PET117: variants seen among roughly 807,000 people sequenced by gnomAD.
PET117 encodes PET117 cytochrome c oxidase chaperone.
In PET117, 10 loss-of-function variants were observed where a neutral mutation model predicts 9.2. That is an observed-to-expected ratio of 1.09 (90% CI 0.67 to 1.85). The LOEUF is 1.85. Among genes scored for constraint, PET117 ranks in the 40% most tolerant of loss-of-function variants. The probability of loss-of-function intolerance (pLI) is 0.00; values close to 1 mark genes in which losing one functional copy is unlikely to be tolerated. For missense variants in PET117, 96 were observed against 98.2 expected (o/e 0.98, Z 0.09); for synonymous variants, 43 against 37.1 (o/e 1.16, Z -0.57).
Position 18,142,876 on chromosome 20 carries a change from G to T in PET117, c.*519G>T, listed in dbSNP as rs1030296583. The T allele has an allele frequency of 4.3e-6, 7 of 1,614,048 alleles. No homozygotes were observed. The highest frequency in any genetic ancestry group is 5.9e-6 in the Non-Finnish European group (7 of 1,180,034). On this transcript the variant is annotated 3_prime_UTR_variant, in exon 2 of 2. Coordinates refer to ENST00000432901, the MANE Select transcript of PET117 (RefSeq NM_001164811.2). ...GAGACGTGTCTTGGATGGAGGAGCA[G>T]CTGTCCTACTTCTGTGACAAGTGCC...
chr20:18,141,884 C>T (rs1009164681), intron 1 of PET117, among the ~76,000 whole-genome samples: 2 of 151,714 alleles, frequency 1.3e-5, no homozygotes, highest in African/African-American at 4.8e-5. Context: ...AGACTCTTGT[C>T]TCAAAAAATA....
intron 1 of PET117, among the ~76,000 whole-genome samples, chr20:18,141,037 TTTTTTTTTTA>T (rs1448234287): frequency 8.4e-4 from 19 of 22,624 alleles, no homozygotes; most frequent in Non-Finnish European, 1.4e-3. Context: ...TTTTTTTTTT[TTTTTTTTTTA>T]TTTTTATTTT....
intron 1 of PET117, among the ~76,000 whole-genome samples, chr20:18,139,674 G>GTGTGTGTGTGTGTGTGT (rs2037451750): frequency 1.1e-5 from 1 of 87,950 alleles, no homozygotes. Context: ...GTGTGTGTGT[G>GTGTGTGTGTGTGTGTGT]TTTATTTTTT....
At position 18,137,893 on chromosome 20, in the gene PET117, C is replaced by G. The variant is rs551288525; in HGVS notation, c.-63C>G. On this transcript the variant is annotated 5_prime_UTR_variant, in exon 1 of 2. Coordinates refer to ENST00000432901, the MANE Select transcript of PET117 (RefSeq NM_001164811.2). ...TGGGCAGTACAGGCGGCGGTGCGCA[C>G]TCTGCGGCGGCCTCTGCGCCTCGGG... 394 of 1,425,026 alleles carry G rather than the reference C, an allele frequency of 2.8e-4. 1 individual carries two copies. The African/African-American group carries it at 5.3e-3, about 19-fold the overall frequency. 88.3% of individuals were successfully genotyped at this position (1,425,026 alleles called of 1,614,324 possible).
chr20:18,143,089 A>T lies in PET117; in HGVS notation c.*732A>T. ...ATAAAACATAGGCATGTTTGTACTAATGAAACGTACTGTCAACCTCTATCA... is the reference window on the plus strand; with the variant it reads ...ATAAAACATAGGCATGTTTGTACTATTGAAACGTACTGTCAACCTCTATCA... On this transcript the variant is annotated 3_prime_UTR_variant, in exon 2 of 2. Coordinates refer to ENST00000432901, the MANE Select transcript of PET117 (RefSeq NM_001164811.2). The T allele has an allele frequency of 1.4e-6, 2 of 1,403,036 alleles. No homozygotes were observed. Among genetic ancestry groups the T allele is most frequent in the Non-Finnish European group, 1.9e-6 (2 of 1,077,180 alleles). The allele number at this position is 1,403,036 out of a possible 1,614,324, so 86.9% of individuals were successfully genotyped here.
Position 18,142,477 on chromosome 20 carries a change from A to G in PET117, c.*120A>G, listed in dbSNP as rs2037624389. On this transcript the variant is annotated 3_prime_UTR_variant, in exon 2 of 2. Coordinates refer to ENST00000432901, the MANE Select transcript of PET117 (RefSeq NM_001164811.2). ...TCACTGTCCTTTTAAACTTGATCAA[A>G]TAAAGGACAGTGGGTCATATAAGTT... is the stretch of plus-strand genomic sequence containing the variant. The G allele has an allele frequency of 6.9e-7, 1 of 1,457,766 alleles. No homozygotes were observed. Among genetic ancestry groups the G allele is most frequent in the Non-Finnish European group, 9.0e-7 (1 of 1,110,410 alleles). 90.3% of individuals were successfully genotyped at this position (1,457,766 alleles called of 1,614,324 possible).
chr20:18,143,096 G>C lies in PET117; in HGVS notation c.*739G>C. On this transcript the variant is annotated 3_prime_UTR_variant, in exon 2 of 2. Coordinates refer to ENST00000432901, the MANE Select transcript of PET117 (RefSeq NM_001164811.2). ...ATAGGCATGTTTGTACTAATGAAAC[G>C]TACTGTCAACCTCTATCACATTGTT... 1 of 1,391,982 alleles carries C rather than the reference G, an allele frequency of 7.2e-7. No homozygotes were observed. Among genetic ancestry groups the C allele is most frequent in the Non-Finnish European group, 9.3e-7 (1 of 1,070,902 alleles). The allele number at this position is 1,391,982 out of a possible 1,614,324, so 86.2% of individuals were successfully genotyped here. A position where few individuals can be genotyped will look rare whatever the true frequency, so the allele number is the denominator to read the frequency against.
At chr20:18,138,950 G>A (rs1036767167) in intron 1 of PET117, among the ~76,000 whole-genome samples, 2 of 152,178 alleles carry the variant, frequency 1.3e-5, no homozygotes, top group Non-Finnish European at 2.9e-5. Flanking sequence ...AAAACAACTT[G>A]GCAGTGATTG....
Position 18,137,935 on chromosome 20 carries a change from G to A in PET117, c.-21G>A, listed in dbSNP as rs748839467. On this transcript the variant is annotated 5_prime_UTR_variant, in exon 1 of 2. Transcript: ENST00000432901. ...CGCCTCGGGCGGGCGGGAGAGAGAGGCCGCGGCCGCCAGCGTGGGGATGTC... is the reference window on the plus strand; with the variant it reads ...CGCCTCGGGCGGGCGGGAGAGAGAGACCGCGGCCGCCAGCGTGGGGATGTC... The A allele has an allele frequency of 1.2e-5, 18 of 1,478,750 alleles. No individual in the cohort carries two copies. In the East Asian group the frequency reaches 1.4e-4, roughly 12 times the overall value. The allele number at this position is 1,478,750 out of a possible 1,614,324, so 91.6% of individuals were successfully genotyped here. A position where few individuals can be genotyped will look rare whatever the true frequency, so the allele number is the denominator to read the frequency against.
chr20:18,139,479 C>T (rs969901793), intron 1 of PET117, among the ~76,000 whole-genome samples: 15 of 152,140 alleles, frequency 9.9e-5, no homozygotes, highest in African/African-American at 3.6e-4. Context: ...GGTCCCCACC[C>T]CAGACCATTT....
At position 18,142,500 on chromosome 20, in the gene PET117, G is replaced by A. The variant is rs1276328605; in HGVS notation, c.*143G>A. The A allele has an allele frequency of 3.4e-6, 5 of 1,458,076 alleles. No individual in the cohort carries two copies. The highest frequency in any genetic ancestry group is 2.6e-5 in the Admixed American group (1 of 38,172). The allele number at this position is 1,458,076 out of a possible 1,614,324, so 90.3% of individuals were successfully genotyped here. A position where few individuals can be genotyped will look rare whatever the true frequency, so the allele number is the denominator to read the frequency against. ...AAATAAAGGACAGTGGGTCATATAA[G>A]TTACTGCTTTCAGGGTCCCTTATAT... On this transcript the variant is annotated 3_prime_UTR_variant, in exon 2 of 2. Transcript: ENST00000432901.
intron 1 of PET117, among the ~76,000 whole-genome samples, chr20:18,138,983 G>T (rs2037414997): frequency 6.6e-6 from 1 of 151,914 alleles, no homozygotes; most frequent in Admixed American, 6.6e-5. Flanking sequence ...GTTCACCAAG[G>T]GTGAAAATAA....
At chr20:18,138,430 G>C in intron 1 of PET117, 4 of 1,005,444 alleles carry the variant, frequency 4.0e-6, no homozygotes, top group Non-Finnish European at 4.7e-6. Flanking sequence ...CACTTGGGCC[G>C]CTAGAAAATA....
chr20:18,138,080 G>A (rs773896508), intron 1 of PET117, 29 bp downstream of exon 1: 2 of 1,443,598 alleles, frequency 1.4e-6, no homozygotes, highest in Admixed American at 2.7e-5. Context: ...TCTCTTCCGG[G>A]CCCGCGCGCG....
chr20:18,141,233 A>G (rs899764408), intron 1 of PET117, among the ~76,000 whole-genome samples: 2 of 151,878 alleles, frequency 1.3e-5, no homozygotes, highest in African/African-American at 2.4e-5. Context: ...AATGTTAGTT[A>G]TTAGTAATGA....
In PET117 at chr20:18,143,106, C is replaced by A. The variant is rs2037652849; in HGVS notation, c.*749C>A. 18 of 1,366,536 alleles carry A rather than the reference C, an allele frequency of 1.3e-5. No individual in the cohort carries two copies. Among genetic ancestry groups the A allele is most frequent in the Non-Finnish European group, 1.7e-5 (18 of 1,057,086 alleles). 84.7% of individuals were successfully genotyped at this position (1,366,536 alleles called of 1,614,324 possible). ...TTGTACTAATGAAACGTACTGTCAA[C>A]CTCTATCACATTGTTAAATTAACAC... On this transcript the variant is annotated 3_prime_UTR_variant, in exon 2 of 2. Coordinates refer to ENST00000432901, the MANE Select transcript of PET117 (RefSeq NM_001164811.2).
chr20:18,139,255 A>C (rs2037427543), intron 1 of PET117, among the ~76,000 whole-genome samples: 1 of 152,220 alleles, frequency 6.6e-6, no homozygotes, highest in South Asian at 2.1e-4. Context: ...TGGCTTTTGG[A>C]ATAGAGGCAG....
rs1246756092 is a variant in PET117 at position 18,142,197 on chromosome 20, T to TA, written c.97-10dup. 5.1e-5 allele frequency: 79 copies of TA among 1,535,746 alleles called. No homozygotes were observed. Among genetic ancestry groups the TA allele is most frequent in the Non-Finnish European group, 6.7e-5 (77 of 1,146,026 alleles). On this transcript the variant is annotated splice_polypyrimidine_tract_variant and intron_variant, in intron 1 of 1. Transcript: ENST00000432901. ...CGGGATGTTACTGAAATCTGTTTCT[T>TA]ACGTTTTTAGAGGCTTCGTGACGGA...
intron 1 of PET117, 187 bp downstream of exon 1, chr20:18,138,238 C>T: frequency 8.0e-7 from 1 of 1,247,684 alleles, no homozygotes; most frequent in Non-Finnish European, 1.0e-6. Flanking sequence ...GGCGCTGCAG[C>T]TCCCGGCGGG....
Sources: gnomAD v4.1 joint callset for allele counts (sites outside exome capture counted in the v4.1 genomes callset) on GRCh38, gnomAD v4.1.1 for gene constraint, MANE v1.5 for transcripts, NCBI Gene and HGNC (gene_info 2026-07-23, HGNC 2026-07-21) for gene names.